Variants in MED24 observed in about 807,000 individuals in gnomAD.
The protein encoded by MED24 is mediator of RNA polymerase II transcription subunit 24.
Under a neutral mutation model 118.8 loss-of-function variants are expected in MED24, and 74 were observed. That is an observed-to-expected ratio of 0.62 (90% CI 0.52 to 0.76). MED24 has a LOEUF of 0.76. MED24 is among the 30% of genes least tolerant of loss of function. The pLI, the probability that MED24 is intolerant of heterozygous loss-of-function variation, is 0.00. For synonymous variants in MED24, 521 were observed against 523.9 expected (o/e 0.99, Z 0.08); for missense variants, 1,041 against 1,278.9 (o/e 0.81, Z 2.84).
chr17:40,031,820 G>A (rs113306043), intron 10 of MED24, among the ~76,000 whole-genome samples, 200 bp from the exon 11 acceptor site: 1,997 of 152,154 alleles, frequency 0.013, 38 homozygotes, highest in Middle Eastern at 0.065. Flanking sequence ...GCACACACAC[G>A]CTGAAACACA....
chr17:40,048,492 C>G (rs1985485250), intron 3 of MED24, among the ~76,000 whole-genome samples: 1 of 152,090 alleles, frequency 6.6e-6, no homozygotes. Context: ...CATGATGTGA[C>G]AAAAATCATG....
chr17:40,022,463 G>A lies in MED24; in HGVS notation c.2454C>T (p.Leu818=), dbSNP rs1330939063. 1 of 1,610,328 alleles carries A rather than the reference G, an allele frequency of 6.2e-7. No homozygotes were observed. Among genetic ancestry groups the A allele is most frequent in the East Asian group, 2.2e-5 (1 of 44,760 alleles). ...GTCCCTTGTGGGAGGAGTAGGAACT[G>A]AGGGCACACCACACGGCCAGCCTGG... ...ALAKLAVWCA[L]SSYSSHKGQA... The change falls in exon 22 of 26, where the codon CTC becomes CTT. Residue 818 remains leucine, a synonymous_variant. Coordinates refer to ENST00000394128, the MANE Select transcript of MED24 (RefSeq NM_014815.4).
chr17:40,023,089 G>A, intron 20 of MED24, 42 bp downstream of exon 20: 3 of 1,587,596 alleles, frequency 1.9e-6, no homozygotes, highest in Non-Finnish European at 2.6e-6. Context: ...GGAGCCAGGG[G>A]ACAGGACCCA....
Position 40,032,768 on chromosome 17 carries a change from G to A in MED24, c.823-6C>T, listed in dbSNP as rs781161751. ...AAAAGTGGGGTGGGGATATGCTGTG[G>A]GAAGAGCCAAGGATGAGGCCTAAGA... On this transcript the variant is annotated splice_polypyrimidine_tract_variant and splice_region_variant and intron_variant, in intron 8 of 25. Coordinates refer to ENST00000394128, the MANE Select transcript of MED24 (RefSeq NM_014815.4). The A allele has an allele frequency of 1.1e-5, 18 of 1,611,298 alleles. No individual in the cohort carries two copies. In the South Asian group the frequency reaches 1.2e-4, roughly 11 times the overall value.
rs955646063 is a variant in MED24, at chr17:40,033,815, G to C, written c.560-359C>G. 10 of 473,024 alleles carry C rather than the reference G, an allele frequency of 2.1e-5. No individual in the cohort carries two copies. The highest frequency in any genetic ancestry group is 4.2e-5 in the Non-Finnish European group (10 of 238,284). The allele number at this position is 473,024 out of a possible 1,614,324, so 29.3% of individuals were successfully genotyped here. On this transcript the variant is annotated intron_variant, in intron 6 of 25. Coordinates refer to ENST00000394128, the MANE Select transcript of MED24 (RefSeq NM_014815.4). This position sits in a 1 kb window ranked among gnomAD's most constrained non-coding sequence, Gnocchi z 5.2. ...CCACAAATCACTCGAGGAGTGAGCGGATCCCAAAGTCCAGTCTTGCAGAGG... is the reference window on the plus strand; with the variant it reads ...CCACAAATCACTCGAGGAGTGAGCGCATCCCAAAGTCCAGTCTTGCAGAGG...
At chr17:40,027,514 C>T in intron 15 of MED24, 49 bp from the exon 16 acceptor site, 2 of 1,551,228 alleles carry the variant, frequency 1.3e-6, no homozygotes, top group African/African-American at 1.4e-5. Flanking sequence ...CAGGGGGGAG[C>T]CCGTGTCTGG....
In MED24 at chr17:40,033,705, G is replaced by T; in HGVS notation, c.560-249C>A. 1.6e-6 allele frequency: 1 copy of T among 632,696 alleles called. No homozygotes were observed. The highest frequency in any genetic ancestry group is 2.9e-6 in the Non-Finnish European group (1 of 341,024). The allele number at this position is 632,696 out of a possible 1,614,324, so 39.2% of individuals were successfully genotyped here. On this transcript the variant is annotated intron_variant, in intron 6 of 25. Transcript: ENST00000394128. This position sits in a 1 kb window ranked among gnomAD's most constrained non-coding sequence, Gnocchi z 5.2. ...TGATTTCCAGGGGACACAGCCAGCT[G>T]ACTTCAGAAGGTATGGCATCACACA...
intron 3 of MED24, among the ~76,000 whole-genome samples, chr17:40,036,642 T>G (rs1445116042): frequency 6.9e-6 from 1 of 144,560 alleles, no homozygotes; most frequent in Non-Finnish European, 1.5e-5. Flanking sequence ...GAGCCGAGAT[T>G]GTGCCACTGC....
chr17:40,022,749 C>T lies in MED24; in HGVS notation c.2328G>A (p.Met776Ile), dbSNP rs1417726981. 1 of 1,613,944 alleles carries T rather than the reference C, an allele frequency of 6.2e-7. No homozygotes were observed. Among genetic ancestry groups the T allele is most frequent in the Admixed American group, 1.7e-5 (1 of 60,014 alleles). ...ELLYSIFCLDMQQVTLVLLGH... is the reference protein window; with the variant it reads ...ELLYSIFCLDIQQVTLVLLGH... ...CCAGCAGGACCAGGGTCACTTGCTG[C>T]ATGTCCAGGCAGAAGATGGAGTAGA... Residue 776 changes from methionine to isoleucine, a missense_variant, in exon 21 of 26, where the codon ATG (methionine) becomes ATA (isoleucine). Transcript: ENST00000394128.
Position 40,029,968 on chromosome 17 carries a change from T to G in MED24, c.1155-109A>C, listed in dbSNP as rs1011149880. 14 of 899,722 alleles carry G rather than the reference T, an allele frequency of 1.6e-5. No individual in the cohort carries two copies. The African/African-American group carries it at 2.3e-4, about 15-fold the overall frequency. 55.7% of individuals were successfully genotyped at this position (899,722 alleles called of 1,614,324 possible). ...AAATGCGCAGAGGAGGTGGGAAGCA[T>G]GTAAGAACCTCCGAGGTTGGGGTGA... On this transcript the variant is annotated intron_variant, in intron 12 of 25. Transcript: ENST00000394128.
rs761392165 is a variant in MED24, at chr17:40,019,845, A to C, written c.2793T>G (p.Cys931Trp). 3 of 1,598,190 alleles carry C rather than the reference A, an allele frequency of 1.9e-6. No homozygotes were observed. The highest frequency in any genetic ancestry group is 2.6e-6 in the Non-Finnish European group (3 of 1,172,018). The change falls in exon 25 of 26, where the codon TGT (cysteine) becomes TGG (tryptophan). Residue 931 changes from cysteine to tryptophan, a missense_variant. By Grantham distance (215) the Cys-to-Trp change is radical. This residue lies in a region of MED24 where 587 missense variants were observed against 694.4 expected (regional missense o/e 0.85). Coordinates refer to ENST00000394128, the MANE Select transcript of MED24 (RefSeq NM_014815.4). The stretch of plus-strand genomic sequence containing the variant: ...GGCCACCCTGCTCCAGGCAGTCCAC[A>C]CACTCCTCCATGAACCACTGCACGA... Reference protein sequence around the residue: ...TQFVQWFMEECVDCLEQGGRG... With the variant: ...TQFVQWFMEEWVDCLEQGGRG...
intron 3 of MED24, among the ~76,000 whole-genome samples, chr17:40,036,870 G>A (rs527656438): frequency 1.1e-4 from 16 of 152,154 alleles, no homozygotes; most frequent in African/African-American, 3.9e-4. Context: ...CCTGCACTGA[G>A]CAGGTAGTAC....
At chr17:40,029,094 GA>G in intron 13 of MED24, 126 bp from the exon 14 acceptor site, 3 of 1,337,846 alleles carry the variant, frequency 2.2e-6, no homozygotes, top group Non-Finnish European at 3.1e-6. Context: ...CTTCAATCTG[GA>G]AAATCATTCC....
At position 40,038,650 on chromosome 17, in the gene MED24, G is replaced by A. The variant is rs187926556; in HGVS notation, c.214-2496C>T. Among the ~76,000 whole-genome samples, 7 of 150,864 alleles carry A rather than the reference G, an allele frequency of 4.6e-5. No individual in the cohort carries two copies. The East Asian group carries it at 9.7e-4, about 21-fold the overall frequency. ...CGCTTGAACCCAGGAGGCAGTGGTT[G>A]CAGAGAGCCAAGATCGCACCACTGC... On this transcript the variant is annotated intron_variant, in intron 3 of 25. Transcript: ENST00000394128.
At position 40,027,959 on chromosome 17, in the gene MED24, G is replaced by C. The variant is rs1489857129; in HGVS notation, c.1410-13C>G. The stretch of plus-strand genomic sequence containing the variant: ...GAATTCATTCAAACTGAAAGGAATG[G>C]AGACAGGCTGCATTGACCAGGGCAT... On this transcript the variant is annotated splice_polypyrimidine_tract_variant and intron_variant, in intron 14 of 25. Coordinates refer to ENST00000394128, the MANE Select transcript of MED24 (RefSeq NM_014815.4). 1 of 1,613,776 alleles carries C rather than the reference G, an allele frequency of 6.2e-7. No homozygotes were observed. Among genetic ancestry groups the C allele is most frequent in the South Asian group, 1.1e-5 (1 of 91,084 alleles).
Position 40,032,104 on chromosome 17 carries a change from C to T in MED24, c.937-14G>A. On this transcript the variant is annotated splice_polypyrimidine_tract_variant and intron_variant, in intron 9 of 25. Coordinates refer to ENST00000394128, the MANE Select transcript of MED24 (RefSeq NM_014815.4). ...AACCTGTGGAATCTAGGGGGTGAGG[C>T]AGGGGGAAAAACAGGAAGATCCATT... is the stretch of plus-strand genomic sequence containing the variant. 1 of 1,613,254 alleles carries T rather than the reference C, an allele frequency of 6.2e-7. No individual in the cohort carries two copies. The highest frequency in any genetic ancestry group is 8.5e-7 in the Non-Finnish European group (1 of 1,179,550).
chr17:40,038,310 T>C (rs1029205179), intron 3 of MED24, among the ~76,000 whole-genome samples: 2 of 152,178 alleles, frequency 1.3e-5, no homozygotes, highest in South Asian at 2.1e-4. Context: ...TGGAAAAATC[T>C]TACCTTAAAA....
chr17:40,029,301 C>T (rs893460488), intron 13 of MED24, among the ~76,000 whole-genome samples: 4 of 152,110 alleles, frequency 2.6e-5, no homozygotes, highest in East Asian at 1.9e-4. Context: ...CAGGGTTCAG[C>T]GATTCTCCTG....
rs1285245712 is a variant in MED24, at chr17:40,033,797, T to C, written c.560-341A>G. ...CTGGAACAGGGAGGGCGGCCACAAA[T>C]CACTCGAGGAGTGAGCGGATCCCAA... On this transcript the variant is annotated intron_variant, in intron 6 of 25. Transcript: ENST00000394128. The surrounding 1 kb of genome is among the most constrained non-coding windows in gnomAD (Gnocchi z 5.2). 2.0e-5 allele frequency: 10 copies of C among 492,778 alleles called. No homozygotes were observed. The East Asian group carries it at 5.8e-4, about 29-fold the overall frequency. 30.5% of individuals were successfully genotyped at this position (492,778 alleles called of 1,614,324 possible).
Sources: gnomAD v4.1 joint callset for allele counts (sites outside exome capture counted in the v4.1 genomes callset) on GRCh38, gnomAD v4.1.1 for gene constraint, gnomAD v4.1.1 regional missense constraint, Gnocchi (gnomAD v3.1) non-coding constraint, MANE v1.5 for transcripts, NCBI Gene and HGNC (gene_info 2026-07-23, HGNC 2026-07-21) for gene names.